SORCS3: variants seen among roughly 807,000 people sequenced by gnomAD.
The protein encoded by SORCS3 is sortilin related VPS10 domain containing receptor 3.
A neutral mutation model predicts 146.3 loss-of-function variants in SORCS3; 57 were observed. That is an observed-to-expected ratio of 0.39 (90% confidence interval 0.31 to 0.49). SORCS3 has a LOEUF of 0.49. Ranked by LOEUF, SORCS3 falls within the 20% of genes least tolerant of loss-of-function variation. The probability of loss-of-function intolerance (pLI) is 0.92; values close to 1 mark genes in which losing one functional copy is unlikely to be tolerated. For synonymous variants in SORCS3, 653 were observed against 618.5 expected, an observed-to-expected ratio of 1.06 and a Z score of -0.83; for missense variants, 1,341 against 1,575.5, an observed-to-expected ratio of 0.85 and a Z score of 2.52.
At chr10:104,859,343 G>T (rs908413121) in intron 2 of SORCS3, among the ~76,000 whole-genome samples, 21 of 152,116 alleles carry the variant, frequency 1.4e-4, no homozygotes, top group Non-Finnish European at 4.4e-5. Flanking sequence ...AATAAATGGT[G>T]CTGGGAAAAT....
At chr10:104,775,719 G>A (rs1297877401) in intron 1 of SORCS3, among the ~76,000 whole-genome samples, 2 of 152,186 alleles carry the variant, frequency 1.3e-5, no homozygotes. Flanking sequence ...AAATTCTCCA[G>A]ACAGAACATC....
At chr10:105,190,071 GA>G (rs1317004923) in intron 14 of SORCS3, among the ~76,000 whole-genome samples, 1 of 152,180 alleles carries the variant, frequency 6.6e-6, no homozygotes, top group Non-Finnish European at 1.5e-5. Flanking sequence ...TTAGGAGCTG[GA>G]GGTGAGAGCA....
intron 3 of SORCS3, among the ~76,000 whole-genome samples, chr10:104,937,690 C>T (rs1189126601): frequency 1.3e-5 from 2 of 152,224 alleles, no homozygotes; most frequent in African/African-American, 2.4e-5. Context: ...CCAGATGCCT[C>T]ATTCCCCATG....
chr10:105,031,837 C>G (rs1367448141), intron 4 of SORCS3, among the ~76,000 whole-genome samples: 1 of 152,144 alleles, frequency 6.6e-6, no homozygotes, highest in East Asian at 1.9e-4. Context: ...ATCCAAGTTT[C>G]TACAGTTTTT....
chr10:104,690,454 G>C (rs148623383), intron 1 of SORCS3, among the ~76,000 whole-genome samples: 1 of 152,180 alleles, frequency 6.6e-6, no homozygotes, highest in Non-Finnish European at 1.5e-5. Context: ...GGAGACCAAG[G>C]CTCATGGAGA....
At chr10:105,163,420 A>G (rs1437346856) in intron 11 of SORCS3, among the ~76,000 whole-genome samples, 1 of 152,156 alleles carries the variant, frequency 6.6e-6, no homozygotes, top group Non-Finnish European at 1.5e-5. Context: ...AACTTCCTCA[A>G]GTGCACATCA....
intron 2 of SORCS3, among the ~76,000 whole-genome samples, chr10:104,898,505 A>G (rs1252622550): frequency 6.6e-6 from 1 of 152,216 alleles, no homozygotes; most frequent in Non-Finnish European, 1.5e-5. Context: ...TGCTAATTTC[A>G]AAACCCTGGA....
At chr10:105,128,941 A>G (rs1199673048) in intron 7 of SORCS3, among the ~76,000 whole-genome samples, 2 of 152,286 alleles carry the variant, frequency 1.3e-5, no homozygotes, top group Admixed American at 1.3e-4. Flanking sequence ...TTATCTGAAA[A>G]TAACCCCCAA....
At chr10:104,984,769 C>G (rs1012435065) in intron 4 of SORCS3, among the ~76,000 whole-genome samples, 1 of 152,070 alleles carries the variant, frequency 6.6e-6, no homozygotes, top group Non-Finnish European at 1.5e-5. Flanking sequence ...CACAATATAG[C>G]AAGTCATGTG....
At chr10:105,024,756 A>G (rs938250166) in intron 4 of SORCS3, among the ~76,000 whole-genome samples, 8 of 152,184 alleles carry the variant, frequency 5.3e-5, no homozygotes, top group South Asian at 2.1e-4. Context: ...TTTTTTATAT[A>G]TAAATGTATG....
chr10:105,167,148 G>A, intron 12 of SORCS3, 110 bp from the exon 13 acceptor site: 1 of 793,628 alleles, frequency 1.3e-6, no homozygotes, highest in Non-Finnish European at 2.0e-6. Flanking sequence ...AGTGCTGTTG[G>A]AAGGCTCAGA....
intron 4 of SORCS3, among the ~76,000 whole-genome samples, chr10:105,021,654 T>G (rs112761739): frequency 0.011 from 1,615 of 152,330 alleles, 24 homozygotes; most frequent in African/African-American, 0.036. Flanking sequence ...ATGACCCATT[T>G]ATAAATACAT....
intron 1 of SORCS3, among the ~76,000 whole-genome samples, chr10:104,719,989 T>TC (rs1364760905): frequency 6.9e-6 from 1 of 145,212 alleles, no homozygotes; most frequent in Non-Finnish European, 1.6e-5. Flanking sequence ...TTTTTTTTTT[T>TC]TTATACTTTA....
At chr10:105,148,968 T>C (rs2056150639) in intron 9 of SORCS3, among the ~76,000 whole-genome samples, 3 of 152,160 alleles carry the variant, frequency 2.0e-5, no homozygotes, top group African/African-American at 4.8e-5. Context: ...GTTCTCATGA[T>C]AGTGAGTGAG....
chr10:104,740,429 C>G (rs1380024589), intron 1 of SORCS3, among the ~76,000 whole-genome samples: 1 of 152,202 alleles, frequency 6.6e-6, no homozygotes, highest in African/African-American at 2.4e-5. Context: ...CTTCTGTGTA[C>G]TGTTTCGACG....
intron 14 of SORCS3, among the ~76,000 whole-genome samples, chr10:105,199,046 G>A (rs1025270880): frequency 2.0e-5 from 3 of 152,150 alleles, no homozygotes; most frequent in Non-Finnish European, 4.4e-5. Flanking sequence ...AACTTGGGCA[G>A]AGGAGAATCC....
intron 7 of SORCS3, among the ~76,000 whole-genome samples, chr10:105,117,460 A>G (rs10786843): frequency 0.48 from 73,615 of 151,890 alleles, 18,373 homozygotes; most frequent in Non-Finnish European, 0.54. Flanking sequence ...AGATTCCTCA[A>G]TCTAAACATC....
chr10:105,066,752 C>G (rs2055525541), intron 5 of SORCS3, among the ~76,000 whole-genome samples: 1 of 152,130 alleles, frequency 6.6e-6, no homozygotes, highest in Non-Finnish European at 1.5e-5. Flanking sequence ...CCTATTCCTC[C>G]TATTTGGAGG....
At chr10:104,755,620 G>T (rs1475372955) in intron 1 of SORCS3, among the ~76,000 whole-genome samples, 2 of 152,162 alleles carry the variant, frequency 1.3e-5, no homozygotes, top group Non-Finnish European at 2.9e-5. Flanking sequence ...AGATGGGATA[G>T]ATTTACATAG....
Sources: gnomAD v4.1 joint callset for allele counts (sites outside exome capture counted in the v4.1 genomes callset) on GRCh38, gnomAD v4.1.1 for gene constraint, MANE v1.5 for transcripts, NCBI Gene and HGNC (gene_info 2026-07-23, HGNC 2026-07-21) for gene names.